SEMA6A: variants seen among roughly 807,000 people sequenced by gnomAD.
The protein encoded by SEMA6A is semaphorin-6A.
SEMA6A carries 25 observed loss-of-function variants against 96.8 expected under a neutral mutation model. That is an observed-to-expected ratio of 0.26 (90% CI 0.19 to 0.36). SEMA6A has a LOEUF of 0.36. Ranked by LOEUF, SEMA6A falls within the 10% of genes least tolerant of loss-of-function variation. The pLI, the probability that SEMA6A is intolerant of heterozygous loss-of-function variation, is 1.00. For missense variants in SEMA6A, 1,363 were observed against 1,323.1 expected (o/e 1.03, Z -0.47); for synonymous variants, 612 against 518.0 (o/e 1.18, Z -2.46).
At position 116,502,282 on chromosome 5, in the gene SEMA6A, T is replaced by A. The variant is rs779047559; in HGVS notation, c.146A>T (p.Asn49Ile). 8 of 1,613,950 alleles carry A rather than the reference T, an allele frequency of 5.0e-6. No individual in the cohort carries two copies. In the Admixed American group the frequency reaches 1.3e-4, roughly 27 times the overall value. Residue 49 changes from asparagine (N) to isoleucine (I), a missense_variant, in exon 3 of 19, where the codon AAC becomes ATC. By Grantham distance (149) the Asn-to-Ile change is moderately radical. This residue lies in a region of SEMA6A where 480 missense variants were observed against 559.5 expected (regional missense o/e 0.86). Coordinates refer to ENST00000343348, the MANE Select transcript of SEMA6A (RefSeq NM_020796.5). ...PVFVGHKPGR[N>I]TTQRHRLDIQ... ...GTCCAGCCTGTGCCTCTGTGTGGTG[T>A]TCCGTCCTGGCTTGTGGCCCACAAA...
chr5:116,517,435 C>A (rs1334259996), intron 1 of SEMA6A, among the ~76,000 whole-genome samples: 4 of 152,020 alleles, frequency 2.6e-5, no homozygotes, highest in Non-Finnish European at 2.9e-5. Context: ...CTTAATTATT[C>A]CACAGTGTGT....
intron 1 of SEMA6A, among the ~76,000 whole-genome samples, chr5:116,522,002 T>A (rs905456996): frequency 6.6e-6 from 1 of 152,212 alleles, no homozygotes; most frequent in African/African-American, 2.4e-5. Context: ...GCTTTGGGTA[T>A]TTTTAAATAT....
chr5:116,478,890 A>G (rs1392651812), intron 12 of SEMA6A, among the ~76,000 whole-genome samples, 172 bp from the exon 13 acceptor site: 1 of 151,678 alleles, frequency 6.6e-6, no homozygotes, highest in Non-Finnish European at 1.5e-5. Context: ...TTTGCAGAGC[A>G]CTAGTGTGGC....
At chr5:116,473,432 T>G (rs1345477180) in intron 16 of SEMA6A, among the ~76,000 whole-genome samples, 1 of 152,244 alleles carries the variant, frequency 6.6e-6, no homozygotes, top group East Asian at 1.9e-4. Context: ...TATGCATAAG[T>G]GATACCTGGA....
intron 3 of SEMA6A, among the ~76,000 whole-genome samples, chr5:116,501,867 A>G (rs1757898525): frequency 6.6e-6 from 1 of 152,184 alleles, no homozygotes; most frequent in African/African-American, 2.4e-5. Context: ...AGCCTGGGCA[A>G]CAAAGAACGA....
chr5:116,512,501 T>C (rs1758457190), intron 1 of SEMA6A, among the ~76,000 whole-genome samples: 1 of 152,176 alleles, frequency 6.6e-6, no homozygotes, highest in Non-Finnish European at 1.5e-5. Context: ...CGACTGGGTG[T>C]AATAGATGTT....
chr5:116,475,460 G>C, intron 16 of SEMA6A, 85 bp downstream of exon 16: 1 of 896,560 alleles, frequency 1.1e-6, no homozygotes, highest in Non-Finnish European at 1.7e-6. Flanking sequence ...GCTGCACTCA[G>C]TTCCACATGT....
At chr5:116,507,530 A>G (rs1758202092) in intron 1 of SEMA6A, among the ~76,000 whole-genome samples, 2 of 152,226 alleles carry the variant, frequency 1.3e-5, no homozygotes. Flanking sequence ...CTGAGTTTAT[A>G]AACCTTGAGT....
chr5:116,503,172 A>G (rs1757973335), intron 2 of SEMA6A, among the ~76,000 whole-genome samples: 1 of 152,164 alleles, frequency 6.6e-6, no homozygotes. Context: ...CTCAGGAGGA[A>G]AGAAAGATGA....
At chr5:116,501,065 G>A (rs1757853869) in intron 3 of SEMA6A, among the ~76,000 whole-genome samples, 1 of 152,148 alleles carries the variant, frequency 6.6e-6, no homozygotes, top group African/African-American at 2.4e-5. Flanking sequence ...ATTAAACAGT[G>A]TAGAGCCAGG....
At chr5:116,500,018 A>G (rs182375835) in intron 3 of SEMA6A, among the ~76,000 whole-genome samples, 178 of 152,322 alleles carry the variant, frequency 1.2e-3, no homozygotes, top group Non-Finnish European at 1.6e-3. Flanking sequence ...CACAGATTCA[A>G]TGTTTTATCA....
At position 116,445,336 on chromosome 5, in the gene SEMA6A, C is replaced by T. The variant is rs1408257955; in HGVS notation, c.*1277G>A. 1.3e-5 allele frequency: 2 copies of T among 152,628 alleles called. No individual in the cohort carries two copies. Among genetic ancestry groups the T allele is most frequent in the Non-Finnish European group, 1.5e-5 (1 of 68,028 alleles). The allele number at this position is 152,628 out of a possible 1,614,324, so 9.5% of individuals were successfully genotyped here. A position where few individuals can be genotyped will look rare whatever the true frequency, so the allele number is the denominator to read the frequency against. ...ATTTACATGTGGAAAACAGGCTATT[C>T]ACAGATGTAACCCCACGAAGAACCC... On this transcript the variant is annotated 3_prime_UTR_variant, in exon 19 of 19. Coordinates refer to ENST00000343348, the MANE Select transcript of SEMA6A (RefSeq NM_020796.5).
At chr5:116,482,665 G>T in intron 10 of SEMA6A, 90 bp from the exon 11 acceptor site, 1 of 1,347,794 alleles carries the variant, frequency 7.4e-7, no homozygotes, top group African/African-American at 1.4e-5. Context: ...TCCTGGTACA[G>T]CAAATGAAAT....
At chr5:116,495,183 A>G (rs1177708126) in intron 6 of SEMA6A, among the ~76,000 whole-genome samples, 3 of 152,218 alleles carry the variant, frequency 2.0e-5, no homozygotes, top group Non-Finnish European at 4.4e-5. Flanking sequence ...GGTCTTACAG[A>G]AACTAACTTT....
chr5:116,447,619 C>T lies in SEMA6A; in HGVS notation c.2087G>A (p.Arg696Gln), dbSNP rs376640519. 28 of 1,613,890 alleles carry T rather than the reference C, an allele frequency of 1.7e-5. No individual in the cohort carries two copies. In the African/African-American group the frequency reaches 3.6e-4, roughly 21 times the overall value. Residue 696 changes from arginine to glutamine, a missense_variant, in exon 19 of 19, where the codon CGG becomes CAG. Transcript: ENST00000343348. ...RKEKELTHSR[R>Q]GSMSSVTKLS... is the part of the protein sequence containing the mutation. Reference sequence around the variant, plus strand: ...CTTGGTGACGCTGCTCATGGAGCCCCGGCGCGAGTGGGTGAGCTCCTTCTC... The same window carrying T: ...CTTGGTGACGCTGCTCATGGAGCCCTGGCGCGAGTGGGTGAGCTCCTTCTC...
At chr5:116,552,295 G>A (rs1308277341) in intron 1 of SEMA6A, among the ~76,000 whole-genome samples, 1 of 151,884 alleles carries the variant, frequency 6.6e-6, no homozygotes, top group African/African-American at 2.4e-5. Context: ...AAATTACAAA[G>A]AACAATATTT....
At chr5:116,497,471 G>A in intron 3 of SEMA6A, 84 bp from the exon 4 acceptor site, 1 of 787,420 alleles carries the variant, frequency 1.3e-6, no homozygotes, top group Non-Finnish European at 2.1e-6. Flanking sequence ...GTCTTATCAG[G>A]GCAGATAAGC....
chr5:116,540,394 C>T (rs1442454128), intron 1 of SEMA6A, among the ~76,000 whole-genome samples: 1 of 152,200 alleles, frequency 6.6e-6, no homozygotes, highest in Non-Finnish European at 1.5e-5. Context: ...ATGTTGCTTC[C>T]ACCATTTGGA....
intron 2 of SEMA6A, among the ~76,000 whole-genome samples, chr5:116,504,427 ATT>A (rs1369061870): frequency 1.3e-5 from 2 of 152,178 alleles, no homozygotes; most frequent in Admixed American, 1.3e-4. Flanking sequence ...TCCAAAAAAA[ATT>A]TTTCTCTGAA....
Sources: allele counts gnomAD v4.1 joint callset (sites outside exome capture counted in the v4.1 genomes callset), GRCh38; gene constraint gnomAD v4.1.1; regional missense constraint gnomAD v4.1.1; transcripts MANE v1.5; gene names NCBI Gene and HGNC (gene_info 2026-07-23, HGNC 2026-07-21).